The following SYNJ2 variants were observed in gnomAD, a reference collection of about 807,000 sequenced individuals.
The protein encoded by SYNJ2 is synaptojanin 2.
Under a neutral mutation model 141.3 loss-of-function variants are expected in SYNJ2, and 116 were observed. The observed-to-expected ratio is 0.82, with a 90% CI of 0.71 to 0.96. SYNJ2 has a LOEUF of 0.96. Ranked by LOEUF, SYNJ2 falls within the 40% of genes least tolerant of loss-of-function variation. The pLI, the probability that SYNJ2 is intolerant of heterozygous loss-of-function variation, is 0.00. For synonymous variants in SYNJ2, 745 were observed against 777.7 expected (o/e 0.96, Z 0.70); for missense variants, 1,873 against 1,934.8 (o/e 0.97, Z 0.60).
chr6:158,075,366 TGCG>T (rs1348637223), intron 16 of SYNJ2, among the ~76,000 whole-genome samples: 1 of 151,496 alleles, frequency 6.6e-6, no homozygotes, highest in Non-Finnish European at 1.5e-5. Flanking sequence ...GAGGGCCAGG[TGCG>T]GTGGCTCTTG....
In SYNJ2 at chr6:158,065,007, G is replaced by C. The variant is rs767595225; in HGVS notation, c.1525+16G>C. On this transcript the variant is annotated intron_variant, in intron 11 of 26. Transcript: ENST00000355585. The stretch of plus-strand genomic sequence containing the variant: ...GCGCTCCTGGGTAGGGCCTGCCGCA[G>C]ACAGGGCGAGGCAGGGAGGTAGGGT... 1 of 1,530,712 alleles carries C rather than the reference G, an allele frequency of 6.5e-7. No homozygotes were observed. Among genetic ancestry groups the C allele is most frequent in the South Asian group, 1.2e-5 (1 of 81,076 alleles). 94.8% of individuals were successfully genotyped at this position (1,530,712 alleles called of 1,614,324 possible).
chr6:158,039,019 G>C (rs1196166619), intron 4 of SYNJ2, among the ~76,000 whole-genome samples: 1 of 152,218 alleles, frequency 6.6e-6, no homozygotes, highest in Non-Finnish European at 1.5e-5. Context: ...AAACACAGGT[G>C]TGACAGCCCT....
intron 1 of SYNJ2, among the ~76,000 whole-genome samples, chr6:157,992,401 C>CTTTTTTTTTTTTTTTTT (rs57905567): frequency 1.7e-5 from 2 of 120,358 alleles, no homozygotes; most frequent in African/African-American, 2.7e-5. Context: ...TGGCTTGTTT[C>CTTTTTTTTTTTTTTTTT]TTTTTTTTTT....
In SYNJ2 at chr6:158,084,998, A is replaced by G. The variant is rs1218078734; in HGVS notation, c.3208+824A>G. ...CCTGAAAGGTCACATTGATTGAACCACACACCCCTAGATTAAATAATACAA... is the reference window on the plus strand; with the variant it reads ...CCTGAAAGGTCACATTGATTGAACCGCACACCCCTAGATTAAATAATACAA... On this transcript the variant is annotated intron_variant, in intron 22 of 26. Coordinates refer to ENST00000355585, the MANE Select transcript of SYNJ2 (RefSeq NM_003898.4). The surrounding 1 kb of genome is among the most constrained non-coding windows in gnomAD (Gnocchi z 5.0). Among the ~76,000 whole-genome samples, 1 of 145,872 alleles carries G rather than the reference A, an allele frequency of 6.9e-6. No individual in the cohort carries two copies. The highest frequency in any genetic ancestry group is 2.6e-5 in the African/African-American group (1 of 37,942).
intron 1 of SYNJ2, among the ~76,000 whole-genome samples, chr6:157,990,440 G>A (rs1583282087): frequency 1.3e-5 from 2 of 151,892 alleles, no homozygotes; most frequent in South Asian, 2.1e-4. Flanking sequence ...ACCCCCGCAC[G>A]CCTGCTTCTT....
intron 1 of SYNJ2, among the ~76,000 whole-genome samples, chr6:157,993,210 G>T (rs564387835): frequency 6.6e-6 from 1 of 152,178 alleles, no homozygotes; most frequent in African/African-American, 2.4e-5. Context: ...CCTGACTTTT[G>T]GATGTAAGCC....
At chr6:158,020,585 GT>G (rs201816188) in intron 2 of SYNJ2, among the ~76,000 whole-genome samples, 2,529 of 151,792 alleles carry the variant, frequency 0.017, 66 homozygotes, top group African/African-American at 0.058. Context: ...GACTTCAACC[GT>G]GTGACCCCAC....
chr6:158,055,143 T>A, intron 6 of SYNJ2, 115 bp downstream of exon 6: 1 of 1,063,156 alleles, frequency 9.4e-7, no homozygotes, highest in Non-Finnish European at 1.4e-6. Flanking sequence ...ACCCTGAATC[T>A]AAAGCTGCTT....
At position 158,083,560 on chromosome 6, in the gene SYNJ2, A is replaced by G. The variant is rs1289729059; in HGVS notation, c.2997A>G (p.Glu999=). ...SPTANSCLLE[E]NFDFTSLDYE... Reference sequence around the variant, plus strand: ...CTGCCAACTCCTGTTTGCTGGAGGAAAACTTTGACTTCACAAGTTTGGACT... The same window carrying G: ...CTGCCAACTCCTGTTTGCTGGAGGAGAACTTTGACTTCACAAGTTTGGACT... Residue 999 remains glutamate, a synonymous_variant, in exon 21 of 27, where the codon GAA becomes GAG. Coordinates refer to ENST00000355585, the MANE Select transcript of SYNJ2 (RefSeq NM_003898.4). 1 of 1,614,174 alleles carries G rather than the reference A, an allele frequency of 6.2e-7. No homozygotes were observed. The highest frequency in any genetic ancestry group is 1.7e-5 in the Admixed American group (1 of 60,020).
chr6:158,094,416 A>C (rs1783673796), intron 26 of SYNJ2, among the ~76,000 whole-genome samples: 2 of 150,614 alleles, frequency 1.3e-5, no homozygotes, highest in South Asian at 2.1e-4. Context: ...AAAAAAAAAA[A>C]AACACCCATC....
At chr6:158,004,733 C>G (rs115537038) in intron 1 of SYNJ2, among the ~76,000 whole-genome samples, 1,552 of 152,174 alleles carry the variant, frequency 0.01, 25 homozygotes, top group African/African-American at 0.036. Context: ...GATCTAAGAA[C>G]TCTCTCTCGG....
intron 1 of SYNJ2, among the ~76,000 whole-genome samples, chr6:158,009,540 G>A (rs566604387): frequency 8.5e-5 from 13 of 152,250 alleles, no homozygotes; most frequent in Non-Finnish European, 1.6e-4. Flanking sequence ...GGCTGAGGAG[G>A]TAGAAGGGAG....
chr6:158,013,392 T>C (rs998873757), intron 1 of SYNJ2, among the ~76,000 whole-genome samples: 1 of 152,118 alleles, frequency 6.6e-6, no homozygotes, highest in East Asian at 1.9e-4. Context: ...AAAAATTGCA[T>C]ACAATTTTGA....
chr6:158,027,255 A>G lies in SYNJ2; in HGVS notation c.215-1501A>G. 1.1e-6 allele frequency: 1 copy of G among 940,668 alleles called. No homozygotes were observed. Among genetic ancestry groups the G allele is most frequent in the Non-Finnish European group, 1.3e-6 (1 of 789,172 alleles). The allele number at this position is 940,668 out of a possible 1,614,324, so 58.3% of individuals were successfully genotyped here. A position where few individuals can be genotyped will look rare whatever the true frequency, so the allele number is the denominator to read the frequency against. On this transcript the variant is annotated intron_variant, in intron 2 of 26. Transcript: ENST00000355585. This position sits in a 1 kb window ranked among gnomAD's most constrained non-coding sequence, Gnocchi z 4.6. The stretch of plus-strand genomic sequence containing the variant: ...GAGAGATCAGAACCATCTCCAGACC[A>G]TGGCTGTAGACAGCGGCCCTTGATC...
At chr6:158,090,894 T>C (rs1273122951) in intron 25 of SYNJ2, among the ~76,000 whole-genome samples, 3 of 152,136 alleles carry the variant, frequency 2.0e-5, no homozygotes, top group African/African-American at 7.2e-5. Context: ...TTAATTTGCT[T>C]TTAGTCAGCA....
In SYNJ2 at chr6:158,054,880, G is replaced by T. The variant is rs528463308; in HGVS notation, c.796-87G>T. The T allele has an allele frequency of 8.8e-5, 124 of 1,415,930 alleles. 2 individuals carry two copies. In the South Asian group the frequency reaches 1.5e-3, roughly 17 times the overall value. The allele number at this position is 1,415,930 out of a possible 1,614,324, so 87.7% of individuals were successfully genotyped here. On this transcript the variant is annotated intron_variant, in intron 5 of 26. Coordinates refer to ENST00000355585, the MANE Select transcript of SYNJ2 (RefSeq NM_003898.4). ...AGTGGGTGCCACATGCAGCCTGGCT[G>T]GGAGTAAGAAGGAGAATGGGAAAAA...
chr6:158,053,476 A>G (rs1351734436), intron 5 of SYNJ2, among the ~76,000 whole-genome samples: 1 of 152,134 alleles, frequency 6.6e-6, no homozygotes. Flanking sequence ...GTATTCTACT[A>G]TAGAGCCCTC....
intron 6 of SYNJ2, among the ~76,000 whole-genome samples, chr6:158,057,606 T>C (rs1780947470): frequency 6.6e-6 from 1 of 152,128 alleles, no homozygotes; most frequent in Admixed American, 6.5e-5. Context: ...AGAGTAATGA[T>C]GAGGAATAGT....
At chr6:157,996,950 T>C (rs1185598501) in intron 1 of SYNJ2, among the ~76,000 whole-genome samples, 3 of 152,182 alleles carry the variant, frequency 2.0e-5, no homozygotes, top group Non-Finnish European at 2.9e-5. Context: ...CAGGCATTTC[T>C]TTATAGCAGT....
Sources: allele counts gnomAD v4.1 joint callset (sites outside exome capture counted in the v4.1 genomes callset), GRCh38; gene constraint gnomAD v4.1.1; non-coding constraint Gnocchi (gnomAD v3.1); transcripts MANE v1.5; gene names NCBI Gene and HGNC (gene_info 2026-07-23, HGNC 2026-07-21).